TDRP: variants seen among roughly 807,000 people sequenced by gnomAD.
TDRP encodes testis development-related protein.
In TDRP, 12 loss-of-function variants were observed where a neutral mutation model predicts 10.5. That is an observed-to-expected ratio of 1.15 (90% CI 0.73 to 1.86). The LOEUF is 1.86. Ranked by LOEUF, TDRP falls within the 40% of genes most tolerant of loss-of-function variation. The pLI is 0.00. For missense variants in TDRP, 353 were observed against 229.2 expected (o/e 1.54, Z -3.49); for synonymous variants, 139 against 95.4 (o/e 1.46, Z -2.67).
chr8:517,351 TC>T (rs970413670), intron 1 of TDRP, among the ~76,000 whole-genome samples: 5 of 152,192 alleles, frequency 3.3e-5, no homozygotes, highest in African/African-American at 1.2e-4. Flanking sequence ...CCCCATCCCT[TC>T]CCAGGTCTTT....
intron 1 of TDRP, among the ~76,000 whole-genome samples, chr8:539,676 G>T (rs1233694572): frequency 6.6e-6 from 1 of 152,188 alleles, no homozygotes; most frequent in African/African-American, 2.4e-5. Flanking sequence ...AGCAGGGAGA[G>T]AAAGGCCTCT....
At chr8:525,312 G>C (rs1459181882) in intron 1 of TDRP, among the ~76,000 whole-genome samples, 2 of 151,954 alleles carry the variant, frequency 1.3e-5, no homozygotes, top group Admixed American at 1.3e-4. Context: ...AAATGTTAAA[G>C]GGAATTCTTC....
chr8:500,766 G>C (rs547923890), intron 1 of TDRP, among the ~76,000 whole-genome samples: 4 of 152,296 alleles, frequency 2.6e-5, no homozygotes, highest in Admixed American at 2.0e-4. Context: ...GCTGCTCCCT[G>C]CAACTCTGGG....
chr8:534,555 G>C (rs974692107), intron 1 of TDRP, among the ~76,000 whole-genome samples: 4 of 152,122 alleles, frequency 2.6e-5, no homozygotes, highest in Non-Finnish European at 4.4e-5. Flanking sequence ...GGGAACACTA[G>C]CCAGTGCTTT....
intron 1 of TDRP, among the ~76,000 whole-genome samples, chr8:538,328 A>C (rs1004459998): frequency 4.6e-5 from 7 of 152,214 alleles, no homozygotes; most frequent in African/African-American, 1.7e-4. Context: ...AGGGACTTCT[A>C]CTGAGGCTGG....
chr8:544,783 C>G lies in TDRP; in HGVS notation c.-26G>C. The G allele has an allele frequency of 1.7e-5, 21 of 1,224,448 alleles. No homozygotes were observed. The highest frequency in any genetic ancestry group is 4.1e-5 in the South Asian group (1 of 24,404). The allele number at this position is 1,224,448 out of a possible 1,614,324, so 75.8% of individuals were successfully genotyped here. On this transcript the variant is annotated 5_prime_UTR_variant, in exon 1 of 3. Transcript: ENST00000324079. ...GGTCAGGCGGGCTCCGGCGTCCCTC[C>G]GTCCGTGCGTCGGGCTGTGGCTCCG...
intron 1 of TDRP, among the ~76,000 whole-genome samples, chr8:521,400 G>C (rs1309638086): frequency 6.6e-6 from 1 of 151,790 alleles, no homozygotes; most frequent in African/African-American, 2.4e-5. Context: ...CTGGGCAAGA[G>C]AGAGAGATGC....
chr8:491,556 A>G lies in TDRP; in HGVS notation c.*843T>C. Reference sequence around the variant, plus strand: ...TTGCAAGAACAAACATATGAGCCTAATAAAAAAGAGGCACTTCAGTATTTT... The same window carrying G: ...TTGCAAGAACAAACATATGAGCCTAGTAAAAAAGAGGCACTTCAGTATTTT... On this transcript the variant is annotated 3_prime_UTR_variant, in exon 3 of 3. Coordinates refer to ENST00000324079, the MANE Select transcript of TDRP (RefSeq NM_001384899.1). The G allele has an allele frequency of 6.8e-7, 1 of 1,461,690 alleles. No homozygotes were observed. The highest frequency in any genetic ancestry group is 9.1e-7 in the Non-Finnish European group (1 of 1,104,744). The allele number at this position is 1,461,690 out of a possible 1,614,324, so 90.5% of individuals were successfully genotyped here.
rs556716291 is a variant in TDRP, at chr8:535,103, T to C, written c.108+9547A>G. On this transcript the variant is annotated intron_variant, in intron 1 of 2. Coordinates refer to ENST00000324079, the MANE Select transcript of TDRP (RefSeq NM_001384899.1). ...AACATTTTTGTACAGAATATTGTAC[T>C]TCCATCTGAAAGATTAGAAAGCTAC... 3.9e-4 allele frequency among the ~76,000 whole-genome samples: 59 copies of C among 152,356 alleles called. 2 individuals are homozygous for C. The South Asian group carries it at 0.012, about 30-fold the overall frequency.
chr8:523,616 A>G (rs1210582434), intron 1 of TDRP, among the ~76,000 whole-genome samples: 17 of 152,204 alleles, frequency 1.1e-4, no homozygotes, highest in Middle Eastern at 3.2e-3. Flanking sequence ...CGAGCTGACT[A>G]AAGAGCCCTT....
At position 501,246 on chromosome 8, in the gene TDRP, G is replaced by A. The variant is rs534960578; in HGVS notation, c.109-6649C>T. Among the ~76,000 whole-genome samples the A allele has an allele frequency of 1.2e-4, 19 of 152,132 alleles. No individual in the cohort carries two copies. In the East Asian group the frequency reaches 2.1e-3, roughly 17 times the overall value. On this transcript the variant is annotated intron_variant, in intron 1 of 2. Transcript: ENST00000324079. ...CAAAAAAAACATGAGCGTAATGCTCGGGTCAGCTCACTGCATGCCACATAA... is the reference window on the plus strand; with the variant it reads ...CAAAAAAAACATGAGCGTAATGCTCAGGTCAGCTCACTGCATGCCACATAA...
intron 1 of TDRP, among the ~76,000 whole-genome samples, chr8:511,013 T>C (rs1286791824): frequency 6.6e-6 from 1 of 151,966 alleles, no homozygotes; most frequent in Non-Finnish European, 1.5e-5. Flanking sequence ...GGTAAGATAA[T>C]AAATGAAAAT....
At chr8:523,135 T>C (rs754393534) in intron 1 of TDRP, among the ~76,000 whole-genome samples, 1 of 152,210 alleles carries the variant, frequency 6.6e-6, no homozygotes. Context: ...TATTTTGTAG[T>C]GAAATGTTTT....
At chr8:494,830 T>C (rs896662057) in intron 1 of TDRP, 1 of 418,718 alleles carries the variant, frequency 2.4e-6, no homozygotes, top group African/African-American at 2.0e-5. Context: ...CTGAGTAATC[T>C]AAATTTAGTA....
In TDRP at chr8:513,505, A is replaced by C. The variant is rs116562527; in HGVS notation, c.109-18908T>G. Among the ~76,000 whole-genome samples, 553 of 152,340 alleles carry C rather than the reference A, an allele frequency of 3.6e-3. 4 individuals are homozygous for C. Among genetic ancestry groups the C allele is most frequent in the African/African-American group, 0.013 (539 of 41,592 alleles). On this transcript the variant is annotated intron_variant, in intron 1 of 2. Coordinates refer to ENST00000324079, the MANE Select transcript of TDRP (RefSeq NM_001384899.1). ...AGTAGAAAAAGAAGGGAATTTCCTC[A>C]ACCTAGTAATGGGTGTCTATGAAAA... is the stretch of plus-strand genomic sequence containing the variant.
In TDRP at chr8:494,602, T is replaced by C. The variant is rs1349111143; in HGVS notation, c.109-5A>G. On this transcript the variant is annotated splice_polypyrimidine_tract_variant and splice_region_variant and intron_variant, in intron 1 of 2. Coordinates refer to ENST00000324079, the MANE Select transcript of TDRP (RefSeq NM_001384899.1). ...TCGGAAACTTGCTCCCTGAACCTAA[T>C]AAAAGGTTAAGAAAAATGTCAAATC... is the stretch of plus-strand genomic sequence containing the variant. 4.3e-6 allele frequency: 7 copies of C among 1,612,726 alleles called. No individual in the cohort carries two copies. The African/African-American group carries it at 5.3e-5, about 12-fold the overall frequency.
chr8:492,402 C>G lies in TDRP; in HGVS notation c.555G>C (p.Glu185Asp). The G allele has an allele frequency of 6.6e-7, 1 of 1,526,656 alleles. No homozygotes were observed. The highest frequency in any genetic ancestry group is 8.8e-7 in the Non-Finnish European group (1 of 1,134,656). 94.6% of individuals were successfully genotyped at this position (1,526,656 alleles called of 1,614,324 possible). ...GHLTDSPEEA[E>D] ...CACACTTGCCACGCAGCCCCCCTCA[C>G]TCCGCCTCCTCCGGGCTATCTGTCA... The change falls in exon 3 of 3, where the codon GAG becomes GAC. Residue 185 changes from glutamate to aspartate, a missense_variant. Glu to Asp is a conservative substitution (Grantham distance 45). Transcript: ENST00000324079.
intron 1 of TDRP, among the ~76,000 whole-genome samples, chr8:544,183 C>T (rs967116297): frequency 3.2e-4 from 49 of 152,266 alleles, no homozygotes; most frequent in African/African-American, 1.1e-3. Flanking sequence ...TTAGTGTCCG[C>T]GAGGAGGCCG....
At chr8:515,401 C>T (rs1444902607) in intron 1 of TDRP, among the ~76,000 whole-genome samples, 2 of 152,200 alleles carry the variant, frequency 1.3e-5, no homozygotes, top group African/African-American at 4.8e-5. Context: ...ATCTGAGATG[C>T]TTGGAACCAG....
Sources: gnomAD v4.1 joint callset for allele counts (sites outside exome capture counted in the v4.1 genomes callset) on GRCh38, gnomAD v4.1.1 for gene constraint, MANE v1.5 for transcripts, NCBI Gene and HGNC (gene_info 2026-07-23, HGNC 2026-07-21) for gene names.